Variants in TMEM45A observed in about 807,000 individuals in gnomAD.
TMEM45A encodes transmembrane protein 45A, also known as DNA polymerase-transactivated protein 4.
TMEM45A carries 25 observed loss-of-function variants against 32.0 expected under a neutral mutation model. The observed-to-expected ratio is 0.78, with a 90% CI of 0.57 to 1.09. The LOEUF is 1.09. Among genes scored for constraint, TMEM45A ranks in the 50% least tolerant of loss-of-function variants. The pLI, the probability that TMEM45A is intolerant of heterozygous loss-of-function variation, is 0.00. For synonymous variants in TMEM45A, 122 were observed against 114.8 expected, an observed-to-expected ratio of 1.06 and a Z score of -0.40; for missense variants, 302 against 325.0, an observed-to-expected ratio of 0.93 and a Z score of 0.54.
chr3:100,556,745 T>C lies in TMEM45A; in HGVS notation c.191-15T>C, dbSNP rs960572794. On this transcript the variant is annotated splice_polypyrimidine_tract_variant and intron_variant, in intron 2 of 5. Transcript: ENST00000323523. Reference sequence around the variant, plus strand: ...TAAAGCAGAGTTGCTAAAACTGTGATATGTTTCTTGGCAGGCATGGCTGGG... The same window carrying C: ...TAAAGCAGAGTTGCTAAAACTGTGACATGTTTCTTGGCAGGCATGGCTGGG... 7 of 1,605,874 alleles carry C rather than the reference T, an allele frequency of 4.4e-6. No homozygotes were observed. The highest frequency in any genetic ancestry group is 4.0e-5 in the African/African-American group (3 of 74,800).
At chr3:100,557,017 G>A in intron 3 of TMEM45A, 45 bp downstream of exon 3, 1 of 1,581,500 alleles carries the variant, frequency 6.3e-7, no homozygotes, top group Non-Finnish European at 8.7e-7. Context: ...CTATTAGTGA[G>A]CATTTATGTA....
intron 1 of TMEM45A, among the ~76,000 whole-genome samples, chr3:100,504,614 C>T (rs1348432185): frequency 1.3e-5 from 2 of 152,226 alleles, no homozygotes; most frequent in East Asian, 1.9e-4. Context: ...TGTATCCACC[C>T]GCTTTCATCT....
chr3:100,511,225 A>G (rs1212817637), intron 1 of TMEM45A, among the ~76,000 whole-genome samples: 2 of 152,186 alleles, frequency 1.3e-5, no homozygotes, highest in African/African-American at 4.8e-5. Flanking sequence ...GCCAGAGAGA[A>G]AGGTTGGGTT....
At chr3:100,496,048 T>C (rs1707921588) in intron 1 of TMEM45A, among the ~76,000 whole-genome samples, 1 of 152,226 alleles carries the variant, frequency 6.6e-6, no homozygotes. Context: ...CCTTGCTTTC[T>C]CTTCCCTGAG....
In TMEM45A at chr3:100,518,463, C is replaced by A. The variant is rs1003703774; in HGVS notation, c.-4+25535C>A. Reference sequence around the variant, plus strand: ...GTTAAAAGGGTGATTCAGGTCTTGGCAATATGTGAAACTTCTGTCCTTTGA... The same window carrying A: ...GTTAAAAGGGTGATTCAGGTCTTGGAAATATGTGAAACTTCTGTCCTTTGA... On this transcript the variant is annotated intron_variant, in intron 1 of 5. Coordinates refer to ENST00000323523, the MANE Select transcript of TMEM45A (RefSeq NM_018004.3). 3.9e-5 allele frequency among the ~76,000 whole-genome samples: 6 copies of A among 152,198 alleles called. No homozygotes were observed. In the East Asian group the frequency reaches 5.8e-4, roughly 15 times the overall value.
intron 1 of TMEM45A, among the ~76,000 whole-genome samples, chr3:100,543,709 A>C (rs1308721492): frequency 6.6e-6 from 1 of 152,090 alleles, no homozygotes; most frequent in Non-Finnish European, 1.5e-5. Flanking sequence ...TTGATTCCTA[A>C]TTAAAAAATT....
intron 1 of TMEM45A, among the ~76,000 whole-genome samples, chr3:100,525,239 A>C (rs1372467490): frequency 6.6e-6 from 1 of 152,176 alleles, no homozygotes; most frequent in Non-Finnish European, 1.5e-5. Context: ...TCTCATTAAT[A>C]ATTTTTTTCT....
At chr3:100,519,255 A>T (rs1705375908) in intron 1 of TMEM45A, 1 of 404,822 alleles carries the variant, frequency 2.5e-6, no homozygotes, top group African/African-American at 2.0e-5. Flanking sequence ...ATTGTTAGCT[A>T]CTGAGTGGCA....
chr3:100,560,484 A>G (rs963864072), intron 4 of TMEM45A, among the ~76,000 whole-genome samples: 2 of 151,990 alleles, frequency 1.3e-5, no homozygotes, highest in Non-Finnish European at 1.5e-5. Context: ...TTTATGAGTT[A>G]TTTAGGAGTA....
intron 1 of TMEM45A, among the ~76,000 whole-genome samples, chr3:100,536,288 GT>G (rs1576276642): frequency 1.3e-5 from 2 of 152,304 alleles, no homozygotes; most frequent in East Asian, 3.9e-4. Flanking sequence ...TGGGGATCTG[GT>G]TAAAAAAGAT....
chr3:100,569,505 G>C (rs1289722074), intron 5 of TMEM45A, among the ~76,000 whole-genome samples: 1 of 152,164 alleles, frequency 6.6e-6, no homozygotes, highest in Admixed American at 6.5e-5. Context: ...AGGAGCAGTA[G>C]AACAGAGTTA....
intron 3 of TMEM45A, among the ~76,000 whole-genome samples, chr3:100,557,394 T>C (rs1435081206): frequency 1.3e-5 from 2 of 152,198 alleles, no homozygotes; most frequent in Admixed American, 6.5e-5. Flanking sequence ...TTCATATTGA[T>C]ACAGTAATAC....
intron 1 of TMEM45A, among the ~76,000 whole-genome samples, chr3:100,554,714 A>C (rs1191886512): frequency 2.0e-5 from 3 of 152,238 alleles, no homozygotes; most frequent in African/African-American, 7.2e-5. Context: ...TTTAAACATA[A>C]AGATAAAACT....
intron 4 of TMEM45A, among the ~76,000 whole-genome samples, chr3:100,564,455 A>G (rs531389768): frequency 6.6e-6 from 1 of 152,008 alleles, no homozygotes; most frequent in Non-Finnish European, 1.5e-5. Context: ...GTTGGCAACT[A>G]AAGCAAATTA....
intron 1 of TMEM45A, among the ~76,000 whole-genome samples, chr3:100,504,235 G>A (rs568320050): frequency 6.8e-6 from 1 of 147,668 alleles, no homozygotes; most frequent in Admixed American, 6.9e-5. Context: ...GTCCATTGTA[G>A]CCTTATATTT....
chr3:100,575,359 TTC>T (rs1706660099), intron 5 of TMEM45A, among the ~76,000 whole-genome samples: 1 of 143,798 alleles, frequency 7.0e-6, no homozygotes, highest in Non-Finnish European at 1.5e-5. Context: ...GGCCTATGGA[TTC>T]TCTTTTTTTT....
chr3:100,557,686 C>T (rs939162002), intron 3 of TMEM45A, among the ~76,000 whole-genome samples: 1 of 152,110 alleles, frequency 6.6e-6, no homozygotes, highest in Admixed American at 6.5e-5. Context: ...GAACTTTTGC[C>T]CATACCTCGG....
chr3:100,569,000 G>A (rs1706501788), intron 5 of TMEM45A, 33 bp downstream of exon 5: 11 of 1,593,808 alleles, frequency 6.9e-6, no homozygotes, highest in Non-Finnish European at 9.4e-6. Context: ...TGGAAGTTCT[G>A]TTCCTTGGTA....
At position 100,558,466 on chromosome 3, in the gene TMEM45A, G is replaced by A. The variant is rs1706266688; in HGVS notation, c.465G>A (p.Leu155=). Residue 155 remains leucine, a synonymous_variant, in exon 4 of 6, where the codon CTG becomes CTA. Transcript: ENST00000323523. ...TGCTGGACATCTTTGTGCACCAGCT[G>A]CTGGTTTTGGTCGTCTTTCTGACAG... ...REMLDIFVHQ[L]LVLVVFLTGL... The A allele has an allele frequency of 1.1e-5, 17 of 1,614,116 alleles. No individual in the cohort carries two copies. The highest frequency in any genetic ancestry group is 1.4e-5 in the Non-Finnish European group (17 of 1,180,016).
Sources: allele counts gnomAD v4.1 joint callset (sites outside exome capture counted in the v4.1 genomes callset), GRCh38; gene constraint gnomAD v4.1.1; transcripts MANE v1.5; gene names NCBI Gene and HGNC (gene_info 2026-07-23, HGNC 2026-07-21).